Variants in NLRP5 observed in about 807,000 individuals in gnomAD.
NLRP5 encodes the protein NACHT, LRR and PYD domains-containing protein 5.
A neutral mutation model predicts 113.1 loss-of-function variants in NLRP5; 93 were observed. That is an observed-to-expected ratio of 0.82 (90% confidence interval 0.70 to 0.98). The LOEUF (loss-of-function observed/expected upper bound fraction) is 0.98. Among genes scored for constraint, NLRP5 ranks in the 50% least tolerant of loss-of-function variants. The probability of loss-of-function intolerance (pLI) is 0.00; values close to 1 mark genes in which losing one functional copy is unlikely to be tolerated. For missense variants in NLRP5, 1,808 were observed against 1,514.3 expected, an observed-to-expected ratio of 1.19 and a Z score of -3.22; for synonymous variants, 751 against 600.7, an observed-to-expected ratio of 1.25 and a Z score of -3.66.
At chr19:56,033,274 T>C (rs1359167447) in intron 8 of NLRP5, among the ~76,000 whole-genome samples, 1 of 151,818 alleles carries the variant, frequency 6.6e-6, no homozygotes, top group Non-Finnish European at 1.5e-5. Context: ...AAAAAAACCT[T>C]GTGCTGATGT....
intron 13 of NLRP5, among the ~76,000 whole-genome samples, chr19:56,055,726 T>C (rs966901065): frequency 6.6e-5 from 10 of 151,510 alleles, no homozygotes; most frequent in Non-Finnish European, 1.0e-4. Context: ...TTTGTATTTT[T>C]AGTAGAGACG....
chr19:55,996,813 T>C (rs544466887), upstream of NLRP5, among the ~76,000 whole-genome samples: 72 of 152,240 alleles, frequency 4.7e-4, no homozygotes, highest in Non-Finnish European at 7.6e-4. Context: ...CATGTGTCTT[T>C]ATAGCAACAT....
chr19:56,022,476 A>G (rs1189105911), intron 6 of NLRP5, among the ~76,000 whole-genome samples: 2 of 152,130 alleles, frequency 1.3e-5, no homozygotes, highest in African/African-American at 4.8e-5. Context: ...TGATCTGCCC[A>G]TCTCAGCATC....
chr19:56,025,978 C>T (rs1479437870), intron 6 of NLRP5, among the ~76,000 whole-genome samples: 1 of 152,142 alleles, frequency 6.6e-6, no homozygotes, highest in Non-Finnish European at 1.5e-5. Flanking sequence ...TGTTTAGATT[C>T]TACGGGGGGA....
chr19:56,045,817 T>A (rs1473009079), intron 11 of NLRP5, among the ~76,000 whole-genome samples: 1 of 152,146 alleles, frequency 6.6e-6, no homozygotes, highest in Admixed American at 6.5e-5. Flanking sequence ...GCCACAAGGT[T>A]GATTGATCAG....
rs755561003 is a variant in NLRP5, at chr19:56,027,027, C to T, written c.794C>T (p.Thr265Met). The change falls in exon 7 of 15, where the codon ACG becomes ATG. Residue 265 changes from threonine (T) to methionine (M), a missense_variant. Coordinates refer to ENST00000390649, the MANE Select transcript of NLRP5 (RefSeq NM_153447.4). ...GCTGCTGACTGGCCGGAAATGCAAA[C>T]GTTGGCTGGTGCTTTTGATTCAGAC... 17 of 1,552,204 alleles carry T rather than the reference C, an allele frequency of 1.1e-5. No individual in the cohort carries two copies. The highest frequency in any genetic ancestry group is 3.6e-5 in the South Asian group (3 of 84,098).
At chr19:56,002,374 T>G (rs1185957752) in intron 1 of NLRP5, among the ~76,000 whole-genome samples, 2 of 152,170 alleles carry the variant, frequency 1.3e-5, no homozygotes, top group Non-Finnish European at 2.9e-5. Context: ...AACCTGATGT[T>G]AACAGGTGTA....
rs775580229 is a variant in NLRP5 at position 56,038,179 on chromosome 19, G to T, written c.2770G>T (p.Ala924Ser). 16 of 1,613,768 alleles carry T rather than the reference G, an allele frequency of 9.9e-6. No individual in the cohort carries two copies. The highest frequency in any genetic ancestry group is 1.6e-4 in the Middle Eastern group (1 of 6,062). The change falls in exon 10 of 15, where the codon GCC becomes TCC. Residue 924 changes from alanine (A) to serine (S), a missense_variant. Ala to Ser is a moderately conservative substitution (Grantham distance 99). Transcript: ENST00000390649. The stretch of plus-strand genomic sequence containing the variant: ...TGATGCCTTGAGAGTCTCCCAGTGC[G>T]CCCTGCAGAAGCTGATGTGAGTGCC...
chr19:56,018,969 A>G (rs539556752), intron 4 of NLRP5, among the ~76,000 whole-genome samples: 10 of 151,960 alleles, frequency 6.6e-5, no homozygotes, highest in Admixed American at 3.3e-4. Flanking sequence ...AACTTTTTGT[A>G]TTTTTTAGTA....
Position 56,020,434 on chromosome 19 carries a change from G to C in NLRP5, c.679+3G>C. On this transcript the variant is annotated splice_donor_region_variant and intron_variant, in intron 6 of 14. Coordinates refer to ENST00000390649, the MANE Select transcript of NLRP5 (RefSeq NM_153447.4). ...AGCAGCAGAGACAGAAGAACAAGGT[G>C]AGGAAAATAGATGTATTCCTTGGTT... 6.2e-7 allele frequency: 1 copy of C among 1,613,182 alleles called. No individual in the cohort carries two copies. The highest frequency in any genetic ancestry group is 8.5e-7 in the Non-Finnish European group (1 of 1,179,504).
upstream of NLRP5, among the ~76,000 whole-genome samples, chr19:55,999,212 CTT>C (rs906346601): frequency 4.5e-5 from 5 of 111,704 alleles, no homozygotes; most frequent in Non-Finnish European, 5.3e-5. Flanking sequence ...TTTTCTTTTT[CTT>C]TTTTTTTTTT....
intron 7 of NLRP5, among the ~76,000 whole-genome samples, chr19:56,030,894 A>G (rs931093423): frequency 1.3e-5 from 2 of 151,250 alleles, no homozygotes; most frequent in African/African-American, 4.9e-5. Context: ...TTGTATTTTT[A>G]GTAGAGATGG....
At chr19:56,030,427 G>A (rs1983053045) in intron 7 of NLRP5, among the ~76,000 whole-genome samples, 1 of 152,064 alleles carries the variant, frequency 6.6e-6, no homozygotes, top group Non-Finnish European at 1.5e-5. Flanking sequence ...GTGTGCTAAG[G>A]CCTTGATAAC....
chr19:56,011,932 T>A (rs926678191), intron 3 of NLRP5, among the ~76,000 whole-genome samples: 1 of 151,998 alleles, frequency 6.6e-6, no homozygotes, highest in African/African-American at 2.4e-5. Context: ...CCTCAGGTGA[T>A]CCACCCACCT....
rs8110149 is a variant in NLRP5 at position 56,058,200 on chromosome 19, C to T, written c.3300-40C>T. ...ACGGGTTGAATGAAGGGTCCATCAT[C>T]GATCTTTGGGGTTATTTTCTGGGTG... On this transcript the variant is annotated intron_variant, in intron 13 of 14. Coordinates refer to ENST00000390649, the MANE Select transcript of NLRP5 (RefSeq NM_153447.4). 5.9e-3 allele frequency: 9,042 copies of T among 1,530,426 alleles called. 432 individuals are homozygous for T. In the African/African-American group the frequency reaches 0.11, roughly 18 times the overall value. The allele number at this position is 1,530,426 out of a possible 1,614,324, so 94.8% of individuals were successfully genotyped here.
Position 56,055,533 on chromosome 19 carries a change from CTGTCTTTTTTT to C in NLRP5, c.3299+1727_3299+1737del, listed in dbSNP as rs1234845062. ...AGCTCCATGTTCTATTTTTCTTTCT[CTGTCTTTTTTT>C]TTTTTTTTTTTTTTTTTTTAAGATA... On this transcript the variant is annotated intron_variant, in intron 13 of 14. Transcript: ENST00000390649. 1.3e-4 allele frequency among the ~76,000 whole-genome samples: 13 copies of C among 99,550 alleles called. No individual in the cohort carries two copies. The East Asian group carries it at 2.7e-3, about 20-fold the overall frequency. The allele number at this position is 99,550 out of a possible 152,430, so 65.3% of individuals were successfully genotyped here. A position where few individuals can be genotyped will look rare whatever the true frequency, so the allele number is the denominator to read the frequency against.
At chr19:56,042,092 G>A (rs1983543065) in intron 11 of NLRP5, among the ~76,000 whole-genome samples, 1 of 152,188 alleles carries the variant, frequency 6.6e-6, no homozygotes, top group South Asian at 2.1e-4. Context: ...TGTGTCTGGA[G>A]ACTCAAGTTC....
Position 56,049,173 on chromosome 19 carries a change from T to C in NLRP5, c.2958-1245T>C, listed in dbSNP as rs1983839937. Among the ~76,000 whole-genome samples the C allele has an allele frequency of 8.2e-5, 11 of 134,086 alleles. No homozygotes were observed. In the South Asian group the frequency reaches 2.4e-3, roughly 29 times the overall value. 88.0% of individuals were successfully genotyped at this position (134,086 alleles called of 152,430 possible). On this transcript the variant is annotated intron_variant, in intron 11 of 14. Coordinates refer to ENST00000390649, the MANE Select transcript of NLRP5 (RefSeq NM_153447.4). Reference sequence around the variant, plus strand: ...ACTTATTTTTTATTTTTTATATTTATTTATTTATTTATTTATTTATTTAGA... The same window carrying C: ...ACTTATTTTTTATTTTTTATATTTACTTATTTATTTATTTATTTATTTAGA...
intron 1 of NLRP5, among the ~76,000 whole-genome samples, chr19:56,000,220 T>G (rs1244022560): frequency 6.6e-6 from 1 of 152,066 alleles, no homozygotes; most frequent in African/African-American, 2.4e-5. Context: ...GACTGCCACC[T>G]CTCCACTCTT....
Sources: gnomAD v4.1 joint callset for allele counts (sites outside exome capture counted in the v4.1 genomes callset) on GRCh38, gnomAD v4.1.1 for gene constraint, MANE v1.5 for transcripts, NCBI Gene and HGNC (gene_info 2026-07-23, HGNC 2026-07-21) for gene names.